The following SLC24A3 variants were observed in gnomAD, a reference collection of about 807,000 sequenced individuals.
The protein encoded by SLC24A3 is sodium/potassium/calcium exchanger 3.
In SLC24A3, 28 loss-of-function variants were observed where a neutral mutation model predicts 75.8. That is an observed-to-expected ratio of 0.37 (90% CI 0.27 to 0.51). SLC24A3 has a LOEUF of 0.51. SLC24A3 is among the 20% of genes least tolerant of loss of function. The pLI, the probability that SLC24A3 is intolerant of heterozygous loss-of-function variation, is 0.94. For synonymous variants in SLC24A3, 372 were observed against 334.1 expected (o/e 1.11, Z -1.24); for missense variants, 663 against 847.8 (o/e 0.78, Z 2.71).
rs1076718 is a variant in SLC24A3, at chr20:19,431,285, G to A, written c.272-84203G>A. On this transcript the variant is annotated intron_variant, in intron 2 of 16. Coordinates refer to ENST00000328041, the MANE Select transcript of SLC24A3 (RefSeq NM_020689.4). ...TTTATAAGAGAAATGCCTATAAAGA[G>A]GGCAAGGGAGCTGGGGGAGGGTTGG... 9.7e-3 allele frequency among the ~76,000 whole-genome samples: 1,481 copies of A among 152,068 alleles called. 18 individuals are homozygous for A. Among genetic ancestry groups the A allele is most frequent in the African/African-American group, 0.034 (1,398 of 41,468 alleles).
intron 2 of SLC24A3, among the ~76,000 whole-genome samples, chr20:19,288,206 A>G (rs1331793730): frequency 6.6e-6 from 1 of 152,210 alleles, no homozygotes; most frequent in Non-Finnish European, 1.5e-5. Context: ...GGAGACATAC[A>G]GTGGTATTAA....
At chr20:19,704,512 T>A (rs2032906722) in intron 15 of SLC24A3, among the ~76,000 whole-genome samples, 1 of 152,214 alleles carries the variant, frequency 6.6e-6, no homozygotes, top group African/African-American at 2.4e-5. Flanking sequence ...AGAGTATACA[T>A]TGAGTGGGGA....
At chr20:19,306,013 G>T (rs945947266) in intron 2 of SLC24A3, among the ~76,000 whole-genome samples, 13 of 151,674 alleles carry the variant, frequency 8.6e-5, no homozygotes, top group African/African-American at 3.1e-4. Context: ...AATCTATAAG[G>T]AACTTAATTC....
chr20:19,472,828 T>C (rs1987897107), intron 2 of SLC24A3, among the ~76,000 whole-genome samples: 1 of 152,208 alleles, frequency 6.6e-6, no homozygotes, highest in East Asian at 1.9e-4. Context: ...ATCATCCACG[T>C]TCACACCCTT....
intron 2 of SLC24A3, among the ~76,000 whole-genome samples, chr20:19,362,950 T>C (rs1985818503): frequency 6.6e-6 from 1 of 152,222 alleles, no homozygotes; most frequent in Non-Finnish European, 1.5e-5. Context: ...AAACTTGCTG[T>C]GCCGTTTTCA....
At chr20:19,342,412 T>C (rs1394797495) in intron 2 of SLC24A3, among the ~76,000 whole-genome samples, 3 of 152,236 alleles carry the variant, frequency 2.0e-5, no homozygotes, top group African/African-American at 7.2e-5. Context: ...GCATTCATCA[T>C]GGCAAATTTC....
At chr20:19,256,021 C>T (rs1020863973) in intron 1 of SLC24A3, among the ~76,000 whole-genome samples, 1 of 151,924 alleles carries the variant, frequency 6.6e-6, no homozygotes, top group Non-Finnish European at 1.5e-5. Context: ...ATTGCTTGAG[C>T]CCAGCAGTTC....
At chr20:19,313,113 T>C (rs1984501450) in intron 2 of SLC24A3, among the ~76,000 whole-genome samples, 1 of 136,660 alleles carries the variant, frequency 7.3e-6, no homozygotes, top group Non-Finnish European at 1.5e-5. Flanking sequence ...CTCAGCTCAC[T>C]GCAAACTCTG....
chr20:19,541,758 C>T (rs1318645896), intron 3 of SLC24A3, among the ~76,000 whole-genome samples: 1 of 152,228 alleles, frequency 6.6e-6, no homozygotes, highest in Non-Finnish European at 1.5e-5. Context: ...AAATGTGCTT[C>T]CCAGTTGGCA....
intron 2 of SLC24A3, among the ~76,000 whole-genome samples, chr20:19,508,552 T>C (rs1452848695): frequency 1.3e-5 from 2 of 152,154 alleles, no homozygotes; most frequent in African/African-American, 4.8e-5. Flanking sequence ...AACCTCCGTT[T>C]AGACTCATCA....
intron 2 of SLC24A3, among the ~76,000 whole-genome samples, chr20:19,389,945 G>A (rs1600460449): frequency 1.3e-5 from 2 of 152,114 alleles, no homozygotes; most frequent in East Asian, 1.9e-4. Flanking sequence ...TGTTCTGACT[G>A]GGTAATCTCA....
chr20:19,261,292 G>T (rs543230442), intron 1 of SLC24A3, among the ~76,000 whole-genome samples: 1 of 152,304 alleles, frequency 6.6e-6, no homozygotes, highest in African/African-American at 2.4e-5. Context: ...GGACCCCCAA[G>T]AAGGGGGATG....
intron 2 of SLC24A3, among the ~76,000 whole-genome samples, chr20:19,371,929 G>A (rs1985998599): frequency 6.6e-6 from 1 of 152,100 alleles, no homozygotes; most frequent in Non-Finnish European, 1.5e-5. Flanking sequence ...AGACTTCTCT[G>A]TGGAAGTCAT....
rs556229323 is a variant in SLC24A3 at position 19,460,075 on chromosome 20, G to A, written c.272-55413G>A. Reference sequence around the variant, plus strand: ...GGGCCAGGGTGAGGGTGAGGCGAGGGATGCATCCAGGCCACAAAATTTAGG... The same window carrying A: ...GGGCCAGGGTGAGGGTGAGGCGAGGAATGCATCCAGGCCACAAAATTTAGG... On this transcript the variant is annotated intron_variant, in intron 2 of 16. Coordinates refer to ENST00000328041, the MANE Select transcript of SLC24A3 (RefSeq NM_020689.4). Among the ~76,000 whole-genome samples the A allele has an allele frequency of 1.4e-4, 22 of 152,254 alleles. No individual in the cohort carries two copies. In the East Asian group the frequency reaches 4.2e-3, roughly 29 times the overall value.
chr20:19,696,959 G>A (rs1555807776), intron 14 of SLC24A3, 48 bp downstream of exon 14: 32 of 637,834 alleles, frequency 5.0e-5, no homozygotes. Context: ...GGGAGGAGGA[G>A]AGGGAGGGAA....
intron 2 of SLC24A3, among the ~76,000 whole-genome samples, chr20:19,359,416 G>A (rs1985747260): frequency 6.6e-6 from 1 of 152,146 alleles, no homozygotes; most frequent in African/African-American, 2.4e-5. Flanking sequence ...AGCCATACTG[G>A]GGGCTGCCCC....
At chr20:19,249,876 C>T (rs1053708472) in intron 1 of SLC24A3, among the ~76,000 whole-genome samples, 7 of 152,210 alleles carry the variant, frequency 4.6e-5, no homozygotes, top group Non-Finnish European at 1.0e-4. Flanking sequence ...TACAGTGTTA[C>T]TGGGGCACTA....
chr20:19,568,425 C>T (rs1216921599), intron 3 of SLC24A3, among the ~76,000 whole-genome samples: 2 of 152,120 alleles, frequency 1.3e-5, no homozygotes, highest in Non-Finnish European at 2.9e-5. Context: ...TATTATTCAG[C>T]CTTATAAAGG....
chr20:19,306,871 A>AAAAC (rs58438454), intron 2 of SLC24A3, among the ~76,000 whole-genome samples: 2,971 of 151,884 alleles, frequency 0.02, 34 homozygotes, highest in African/African-American at 0.029. Context: ...TTAAAAAACA[A>AAAAC]AAACAAACAA....
Sources: allele counts gnomAD v4.1 joint callset (sites outside exome capture counted in the v4.1 genomes callset), GRCh38; gene constraint gnomAD v4.1.1; transcripts MANE v1.5; gene names NCBI Gene and HGNC (gene_info 2026-07-23, HGNC 2026-07-21).